The following MIGA2 variants were observed in gnomAD, a reference collection of about 807,000 sequenced individuals.
The protein encoded by MIGA2 is mitoguardin 2, also known as family with sequence similarity 73, member B.
In MIGA2, 36 loss-of-function variants were observed where a neutral mutation model predicts 69.9. The observed-to-expected ratio is 0.52, with a 90% CI of 0.39 to 0.68. MIGA2 has a LOEUF of 0.68. Ranked by LOEUF, MIGA2 falls within the 30% of genes least tolerant of loss-of-function variation. The pLI is 0.00. For synonymous variants in MIGA2, 333 were observed against 349.2 expected (o/e 0.95, Z 0.52); for missense variants, 660 against 787.7 (o/e 0.84, Z 1.94).
chr9:129,039,403 G>A (rs1252410156), intron 1 of MIGA2, among the ~76,000 whole-genome samples: 3 of 151,536 alleles, frequency 2.0e-5, no homozygotes, highest in African/African-American at 7.3e-5. Context: ...CCGCTACAAC[G>A]CCCGGCTAAT....
At chr9:129,055,127 G>T (rs1845729938) in intron 6 of MIGA2, among the ~76,000 whole-genome samples, 1 of 151,006 alleles carries the variant, frequency 6.6e-6, no homozygotes, top group Admixed American at 6.6e-5. Context: ...GCCCAGGCTG[G>T]AGTTCAGTGG....
rs750157229 is a variant in MIGA2, at chr9:129,067,827, C to T, written c.1225C>T (p.Pro409Ser). The change falls in exon 12 of 16, where the codon CCC becomes TCC. Residue 409 changes from proline to serine, a missense_variant. Physicochemically the swap from Pro to Ser is moderately conservative, Grantham distance 74. Around this residue, in one of 3 missense-constraint regions of MIGA2, gnomAD observed 220 missense variants for 301.7 expected, o/e 0.73. Transcript: ENST00000684074. ...GGAGATGCTGAGCTATGCCCTGCGG[C>T]CCGAGACCTGGGCCACAACACGGCT... ...YEEMLSYALRPETWATTRLEL... is the reference protein window; with the variant it reads ...YEEMLSYALRSETWATTRLEL... 6.2e-7 allele frequency: 1 copy of T among 1,613,246 alleles called. No individual in the cohort carries two copies. The highest frequency in any genetic ancestry group is 1.1e-5 in the South Asian group (1 of 90,906).
rs369192111 is a variant in MIGA2 at position 129,061,487 on chromosome 9, G to A, written c.1010+141G>A. 1.4e-6 allele frequency: 1 copy of A among 699,952 alleles called. No individual in the cohort carries two copies. The highest frequency in any genetic ancestry group is 2.7e-5 in the East Asian group (1 of 36,708). The allele number at this position is 699,952 out of a possible 1,614,324, so 43.4% of individuals were successfully genotyped here. On this transcript the variant is annotated intron_variant, in intron 9 of 15. Coordinates refer to ENST00000684074, the MANE Select transcript of MIGA2 (RefSeq NM_001329990.2). The surrounding 1 kb of genome is among the most constrained non-coding windows in gnomAD (Gnocchi z 5.0). The stretch of plus-strand genomic sequence containing the variant: ...GGCTGCCTGAGGGCCGTGGTGAGCT[G>A]GTGACAGCTCCTCCCCCAGCTGCAG...
In MIGA2 at chr9:129,060,065, C is replaced by A. The variant is rs1307814941; in HGVS notation, c.794-485C>A. The stretch of plus-strand genomic sequence containing the variant: ...TTGCTCGACAATCCTTTCCTGAGCA[C>A]CCTTGGAGGTCCACACCCCTCAGCC... On this transcript the variant is annotated intron_variant, in intron 7 of 15. Transcript: ENST00000684074. The surrounding 1 kb of genome is among the most constrained non-coding windows in gnomAD (Gnocchi z 4.8). Among the ~76,000 whole-genome samples, 2 of 152,216 alleles carry A rather than the reference C, an allele frequency of 1.3e-5. No individual in the cohort carries two copies. The highest frequency in any genetic ancestry group is 2.9e-5 in the Non-Finnish European group (2 of 68,032).
At position 129,048,519 on chromosome 9, in the gene MIGA2, T is replaced by A; in HGVS notation, c.400T>A (p.Ser134Thr). 2 of 1,613,904 alleles carry A rather than the reference T, an allele frequency of 1.2e-6. No individual in the cohort carries two copies. Among genetic ancestry groups the A allele is most frequent in the South Asian group, 2.2e-5 (2 of 91,080 alleles). Residue 134 changes from serine (S) to threonine (T), a missense_variant, in exon 4 of 16, where the codon TCC becomes ACC. Physicochemically the swap from Ser to Thr is moderately conservative, Grantham distance 58. Around this residue, in one of 3 missense-constraint regions of MIGA2, gnomAD observed 386 missense variants for 402.0 expected, o/e 0.96. Coordinates refer to ENST00000684074, the MANE Select transcript of MIGA2 (RefSeq NM_001329990.2). ...SSIEPSKHSG[S>T]SHSVASMMAV... ...CATTGAGCCCAGCAAGCACTCGGGC[T>A]CCTCCCACAGTGTGGCCTCGGTGAG...
In MIGA2 at chr9:129,065,870, G is replaced by A. The variant is rs78020723; in HGVS notation, c.1171-1903G>A. ...CCGAGAGAACCCTTGGGCTCACCGT[G>A]GCGGTGTGGCCTCACTACCCTGCCT... On this transcript the variant is annotated intron_variant, in intron 11 of 15. Coordinates refer to ENST00000684074, the MANE Select transcript of MIGA2 (RefSeq NM_001329990.2). Among the ~76,000 whole-genome samples the A allele has an allele frequency of 7.4e-3, 1,124 of 152,216 alleles. 8 individuals carry two copies. The highest frequency in any genetic ancestry group is 0.026 in the African/African-American group (1,075 of 41,524).
At position 129,070,442 on chromosome 9, in the gene MIGA2, G is replaced by A. The variant is rs773356307; in HGVS notation, c.1771G>A (p.Glu591Lys). The stretch of plus-strand genomic sequence containing the variant: ...GCCCCGAGAGAATGGGCCCCTGGGG[G>A]AGCTGCAGTAGAGGCGGCACGGGCT... ...ALPRENGPLG[E>K]LQ The change falls in exon 16 of 16, where the codon GAG (glutamate) becomes AAG (lysine). Residue 591 changes from glutamate (E) to lysine (K), a missense_variant. This residue lies in a region of MIGA2 where 220 missense variants were observed against 301.7 expected (regional missense o/e 0.73). Transcript: ENST00000684074. 3.8e-6 allele frequency: 6 copies of A among 1,584,862 alleles called. No homozygotes were observed. Among genetic ancestry groups the A allele is most frequent in the Admixed American group, 1.7e-5 (1 of 57,676 alleles).
rs918960125 is a variant in MIGA2 at position 129,059,981 on chromosome 9, G to T, written c.794-569G>T. On this transcript the variant is annotated intron_variant, in intron 7 of 15. Coordinates refer to ENST00000684074, the MANE Select transcript of MIGA2 (RefSeq NM_001329990.2). This position sits in a 1 kb window ranked among gnomAD's most constrained non-coding sequence, Gnocchi z 5.6. ...CTGCCTCCTCTGGCCTCCCTACATG[G>T]CAGAAAGGGCTGGGGGACCTTTAGG... Among the ~76,000 whole-genome samples the T allele has an allele frequency of 5.3e-5, 8 of 152,122 alleles. No individual in the cohort carries two copies. Among genetic ancestry groups the T allele is most frequent in the African/African-American group, 1.9e-4 (8 of 41,434 alleles).
chr9:129,063,189 C>A (rs948566364), intron 9 of MIGA2, 55 bp from the exon 10 acceptor site: 2 of 1,594,862 alleles, frequency 1.3e-6, no homozygotes, highest in East Asian at 2.2e-5. Context: ...CCTGACCCCC[C>A]GGGGCATCGC....
chr9:129,059,897 C>T lies in MIGA2; in HGVS notation c.793+626C>T, dbSNP rs1215906071. 2.0e-5 allele frequency among the ~76,000 whole-genome samples: 3 copies of T among 152,160 alleles called. No individual in the cohort carries two copies. Among genetic ancestry groups the T allele is most frequent in the South Asian group, 2.1e-4 (1 of 4,830 alleles). On this transcript the variant is annotated intron_variant, in intron 7 of 15. Coordinates refer to ENST00000684074, the MANE Select transcript of MIGA2 (RefSeq NM_001329990.2). This position sits in a 1 kb window ranked among gnomAD's most constrained non-coding sequence, Gnocchi z 5.6. ...GAACCGGAGTGGGTCGGCCGAGCCA[C>T]GCACCCTGCCCTGGCTTCTCCCCAC...
rs1038831307 is a variant in MIGA2 at position 129,038,381 on chromosome 9, G to A, written c.-144+1700G>A. On this transcript the variant is annotated intron_variant, in intron 1 of 15. Transcript: ENST00000684074. Reference sequence around the variant, plus strand: ...CTGTCCTGGCTTGTGTGTTCCTTCCGCTTGAGGTCCCGGGAGACCTTGAAG... The same window carrying A: ...CTGTCCTGGCTTGTGTGTTCCTTCCACTTGAGGTCCCGGGAGACCTTGAAG... 3.3e-5 allele frequency among the ~76,000 whole-genome samples: 5 copies of A among 152,092 alleles called. No individual in the cohort carries two copies. The South Asian group carries it at 6.2e-4, about 19-fold the overall frequency.
At position 129,068,977 on chromosome 9, in the gene MIGA2, T is replaced by G; in HGVS notation, c.1405-99T>G. The stretch of plus-strand genomic sequence containing the variant: ...CCCCATCTTCCTGCTTGGAGTGGGG[T>G]GAGCTGGGTTTAAGGGCTTGGTGCT... On this transcript the variant is annotated intron_variant, in intron 13 of 15. Transcript: ENST00000684074. The surrounding 1 kb of genome is among the most constrained non-coding windows in gnomAD (Gnocchi z 4.1). 1.4e-6 allele frequency: 2 copies of G among 1,380,688 alleles called. No individual in the cohort carries two copies. Among genetic ancestry groups the G allele is most frequent in the Non-Finnish European group, 1.0e-6 (1 of 970,924 alleles). The allele number at this position is 1,380,688 out of a possible 1,614,324, so 85.5% of individuals were successfully genotyped here.
chr9:129,048,859 T>C (rs1564605862), intron 4 of MIGA2, among the ~76,000 whole-genome samples: 1 of 152,022 alleles, frequency 6.6e-6, no homozygotes, highest in Non-Finnish European at 1.5e-5. Flanking sequence ...ACTGGAGGTG[T>C]AGAGATAAAC....
intron 1 of MIGA2, among the ~76,000 whole-genome samples, chr9:129,039,097 A>G (rs920473286): frequency 1.3e-5 from 2 of 151,338 alleles, no homozygotes; most frequent in African/African-American, 2.4e-5. Flanking sequence ...AGCCAACCTC[A>G]CAAAATTCTA....
chr9:129,048,555 C>G lies in MIGA2; in HGVS notation c.420+16C>G. ...TGTGGCCTCGGTGAGCAGCAGGTGC[C>G]AGGGCTCCAGGGCTCCAGGTCCGGG... is the stretch of plus-strand genomic sequence containing the variant. On this transcript the variant is annotated intron_variant, in intron 4 of 15. Coordinates refer to ENST00000684074, the MANE Select transcript of MIGA2 (RefSeq NM_001329990.2). The G allele has an allele frequency of 6.3e-7, 1 of 1,589,734 alleles. No individual in the cohort carries two copies. The highest frequency in any genetic ancestry group is 8.6e-7 in the Non-Finnish European group (1 of 1,157,932).
chr9:129,068,889 T>C lies in MIGA2; in HGVS notation c.1405-187T>C. ...TCCAGCAGTAAGATTAGAGTCAAGA[T>C]TCAAGTTTAGGTATGTCTGAGTCCA... On this transcript the variant is annotated intron_variant, in intron 13 of 15. Transcript: ENST00000684074. This position sits in a 1 kb window ranked among gnomAD's most constrained non-coding sequence, Gnocchi z 4.1. The C allele has an allele frequency of 1.5e-6, 1 of 680,920 alleles. No homozygotes were observed. Among genetic ancestry groups the C allele is most frequent in the African/African-American group, 1.8e-5 (1 of 56,308 alleles). 42.2% of individuals were successfully genotyped at this position (680,920 alleles called of 1,614,324 possible).
rs1383846158 is a variant in MIGA2 at position 129,069,624 on chromosome 9, C to A, written c.1459-225C>A. 6 of 578,694 alleles carry A rather than the reference C, an allele frequency of 1.0e-5. No homozygotes were observed. The highest frequency in any genetic ancestry group is 1.9e-5 in the Non-Finnish European group (6 of 322,322). The allele number at this position is 578,694 out of a possible 1,614,324, so 35.8% of individuals were successfully genotyped here. On this transcript the variant is annotated intron_variant, in intron 14 of 15. Coordinates refer to ENST00000684074, the MANE Select transcript of MIGA2 (RefSeq NM_001329990.2). The surrounding 1 kb of genome is among the most constrained non-coding windows in gnomAD (Gnocchi z 4.9). The stretch of plus-strand genomic sequence containing the variant: ...CGTGCTCCAGGCACTTCCCGCGGAG[C>A]CACTATGGCCCCACCTCTTGCAGTA...
intron 3 of MIGA2, among the ~76,000 whole-genome samples, chr9:129,046,414 A>G (rs965606459): frequency 4.0e-5 from 6 of 151,728 alleles, no homozygotes; most frequent in African/African-American, 1.5e-4. Context: ...ACTTGAGCCC[A>G]GGAGTTTGAG....
At chr9:129,048,569 TC>T (rs761616388) in intron 4 of MIGA2, 30 bp downstream of exon 4, 52 of 1,584,280 alleles carry the variant, frequency 3.3e-5, no homozygotes, top group Non-Finnish European at 4.3e-5. Flanking sequence ...GCTCCAGGGC[TC>T]CAGGTCCGGG....
Sources: gnomAD v4.1 joint callset for allele counts (sites outside exome capture counted in the v4.1 genomes callset) on GRCh38, gnomAD v4.1.1 for gene constraint, gnomAD v4.1.1 regional missense constraint, Gnocchi (gnomAD v3.1) non-coding constraint, MANE v1.5 for transcripts, NCBI Gene and HGNC (gene_info 2026-07-23, HGNC 2026-07-21) for gene names.